The following DNAH14 variants were observed in gnomAD, a reference collection of about 807,000 sequenced individuals.
The protein encoded by DNAH14 is dynein axonemal heavy chain 14.
DNAH14 carries 478 observed loss-of-function variants against 520.9 expected under a neutral mutation model. That is an observed-to-expected ratio of 0.92 (90% CI 0.85 to 0.99). The LOEUF is 0.99. DNAH14 is among the 50% of genes least tolerant of loss of function. DNAH14 has a pLI of 0.00. For synonymous variants in DNAH14, 1,581 were observed against 1,757.2 expected, an observed-to-expected ratio of 0.90 and a Z score of 2.51; for missense variants, 4,831 against 5,234.5, an observed-to-expected ratio of 0.92 and a Z score of 2.38.
chr1:224,967,345 G>A, intron 5 of DNAH14, 86 bp from the exon 6 acceptor site: 1 of 885,736 alleles, frequency 1.1e-6, no homozygotes, highest in Non-Finnish European at 1.6e-6. Flanking sequence ...TTTCAATTTA[G>A]TGGGTAATCT....
At chr1:225,011,036 GA>G (rs375881957) in intron 10 of DNAH14, among the ~76,000 whole-genome samples, 7,913 of 145,320 alleles carry the variant, frequency 0.054, 613 homozygotes, top group African/African-American at 0.18. Context: ...TTAATCTCTT[GA>G]AAAAAAAACA....
intron 4 of DNAH14, chr1:224,961,247 A>G (rs1189750930): frequency 6.6e-6 from 1 of 152,194 alleles, no homozygotes; most frequent in African/African-American, 2.4e-5. Flanking sequence ...CAACACCTCG[A>G]TTACAGCCTT....
intron 8 of DNAH14, among the ~76,000 whole-genome samples, chr1:224,982,763 T>C (rs1195419236): frequency 6.6e-6 from 1 of 152,178 alleles, no homozygotes; most frequent in Non-Finnish European, 1.5e-5. Flanking sequence ...TTCCATGTAT[T>C]TGCATGATTT....
chr1:225,123,700 A>T (rs1559029648), intron 27 of DNAH14, 86 bp downstream of exon 27: 1 of 219,434 alleles, frequency 4.6e-6, no homozygotes, highest in Non-Finnish European at 1.0e-5. Context: ...AATAAAGAGG[A>T]TATTCCAATA....
At chr1:225,159,602 T>G in intron 35 of DNAH14, 117 bp downstream of exon 35, 2 of 1,123,240 alleles carry the variant, frequency 1.8e-6, no homozygotes, top group Non-Finnish European at 2.4e-6. Context: ...ATGTTATAAT[T>G]GAGGGGATAA....
intron 73 of DNAH14, among the ~76,000 whole-genome samples, chr1:225,356,469 C>T (rs1306204745): frequency 6.6e-6 from 1 of 152,202 alleles, no homozygotes; most frequent in Non-Finnish European, 1.5e-5. Context: ...CAACCCACTT[C>T]TCTAATTTTT....
At chr1:225,104,517 G>T (rs1038521778) in intron 23 of DNAH14, among the ~76,000 whole-genome samples, 10 of 152,056 alleles carry the variant, frequency 6.6e-5, no homozygotes, top group Non-Finnish European at 1.5e-4. Context: ...TCTGGTCCTG[G>T]ACTTTTTTTG....
chr1:225,387,499 G>A lies in DNAH14; in HGVS notation c.13078-880G>A, dbSNP rs546048663. On this transcript the variant is annotated intron_variant, in intron 81 of 85. Coordinates refer to ENST00000682510, the MANE Select transcript of DNAH14 (RefSeq NM_001367479.1). Reference sequence around the variant, plus strand: ...AGCCATGGATTAAATCTGGGAGAGGGAATATAAAGTAGCAAGAGAAGAGGG... The same window carrying A: ...AGCCATGGATTAAATCTGGGAGAGGAAATATAAAGTAGCAAGAGAAGAGGG... Among the ~76,000 whole-genome samples, 392 of 152,270 alleles carry A rather than the reference G, an allele frequency of 2.6e-3. 1 individual carries two copies. The highest frequency in any genetic ancestry group is 9.1e-3 in the African/African-American group (380 of 41,544).
chr1:224,943,258 C>G (rs1377802890), intron 1 of DNAH14, among the ~76,000 whole-genome samples: 1 of 152,138 alleles, frequency 6.6e-6, no homozygotes, highest in Non-Finnish European at 1.5e-5. Flanking sequence ...AGGAATTTAT[C>G]CATTTCTTCT....
chr1:225,255,155 C>T (rs977040647), intron 44 of DNAH14, among the ~76,000 whole-genome samples: 5 of 152,110 alleles, frequency 3.3e-5, no homozygotes, highest in Admixed American at 6.6e-5. Flanking sequence ...TGGAAGGAAA[C>T]ATTTGCTTGC....
chr1:225,238,211 A>G (rs1176028178), intron 42 of DNAH14, among the ~76,000 whole-genome samples: 1 of 152,192 alleles, frequency 6.6e-6, no homozygotes. Context: ...TTGAGTTTTC[A>G]GCATTTTTGC....
intron 43 of DNAH14, among the ~76,000 whole-genome samples, chr1:225,247,332 AT>A (rs2092343129): frequency 6.6e-6 from 1 of 152,186 alleles, no homozygotes; most frequent in African/African-American, 2.4e-5. Context: ...ACCATGGCTC[AT>A]GTATACTTAT....
chr1:225,085,792 A>G lies in DNAH14; in HGVS notation c.3573+3A>G, dbSNP rs201707947. 307 of 1,534,858 alleles carry G rather than the reference A, an allele frequency of 2.0e-4. No individual in the cohort carries two copies. Among genetic ancestry groups the G allele is most frequent in the Admixed American group, 4.3e-5 (2 of 46,516 alleles). On this transcript the variant is annotated splice_donor_region_variant and intron_variant, in intron 21 of 85. Transcript: ENST00000682510. ...CTCCCCACATTGGGCCCATTAAGGT[A>G]AGTATTATGGCAAAGGAAAAATGTT...
chr1:225,127,495 T>C (rs1421383935), intron 27 of DNAH14, among the ~76,000 whole-genome samples: 4 of 152,136 alleles, frequency 2.6e-5, no homozygotes, highest in Non-Finnish European at 5.9e-5. Context: ...TCTTTGTTGG[T>C]TTAAATTCTG....
intron 22 of DNAH14, among the ~76,000 whole-genome samples, chr1:225,098,028 A>AAAAC (rs905240429): frequency 1.3e-5 from 2 of 152,080 alleles, no homozygotes; most frequent in Non-Finnish European, 2.9e-5. Context: ...TCATGTCTTA[A>AAAAC]AAACAAACAA....
intron 3 of DNAH14, among the ~76,000 whole-genome samples, chr1:224,955,426 G>T (rs1460075363): frequency 6.6e-6 from 1 of 152,028 alleles, no homozygotes; most frequent in East Asian, 1.9e-4. Context: ...GTGGGTCACG[G>T]TTCTCCTAAG....
chr1:225,316,710 A>G (rs1259659184), intron 60 of DNAH14, among the ~76,000 whole-genome samples: 1 of 152,006 alleles, frequency 6.6e-6, no homozygotes. Context: ...CAATGAGATG[A>G]ACCAGGTACC....
chr1:225,338,417 C>A lies in DNAH14; in HGVS notation c.10433+235C>A, dbSNP rs1211373703. 9.3e-6 allele frequency: 6 copies of A among 644,944 alleles called. No individual in the cohort carries two copies. In the East Asian group the frequency reaches 1.1e-4, roughly 12 times the overall value. 40.0% of individuals were successfully genotyped at this position (644,944 alleles called of 1,614,324 possible). A position where few individuals can be genotyped will look rare whatever the true frequency, so the allele number is the denominator to read the frequency against. On this transcript the variant is annotated intron_variant, in intron 68 of 85. Transcript: ENST00000682510. ...CTTTTCAAACTGTGCATGATAAAAT[C>A]TGTGGGTTTTATGAGGAGTCTTCAG...
intron 26 of DNAH14, among the ~76,000 whole-genome samples, chr1:225,119,701 C>T (rs1350907242): frequency 6.6e-6 from 1 of 152,128 alleles, no homozygotes; most frequent in Non-Finnish European, 1.5e-5. Flanking sequence ...CTCTTTCTAA[C>T]GTTCTCCTTT....
Sources: gnomAD v4.1 joint callset for allele counts (sites outside exome capture counted in the v4.1 genomes callset) on GRCh38, gnomAD v4.1.1 for gene constraint, MANE v1.5 for transcripts, NCBI Gene and HGNC (gene_info 2026-07-23, HGNC 2026-07-21) for gene names.